Variants in H4C3 observed in about 807,000 individuals in gnomAD.
The protein encoded by H4C3 is H4 clustered histone 3, also known as histone H4.
In H4C3, 10 loss-of-function variants were observed where a neutral mutation model predicts 5.3. The ratio of observed to expected loss-of-function variants is 1.87; its 90% confidence interval spans 1.16 to 3.18. The LOEUF is 3.18. Ranked by LOEUF, H4C3 falls within the 30% of genes most tolerant of loss-of-function variation. The pLI, the probability that H4C3 is intolerant of heterozygous loss-of-function variation, is 0.00. For missense variants in H4C3, 191 were observed against 152.5 expected, an observed-to-expected ratio of 1.25 and a Z score of -1.33; for synonymous variants, 133 against 56.8, an observed-to-expected ratio of 2.34 and a Z score of -6.03.
rs753702310 is a variant in H4C3 at position 26,104,291 on chromosome 6, A to AAAAAAC, written c.*44_*49dup. On this transcript the variant is annotated 3_prime_UTR_variant, in exon 1 of 1. Transcript: ENST00000377803. ...GAATACGCGGTCTCCTGAGAACTTCAAAAAACAAAAACAAAAAAACCCAAA... is the reference window on the plus strand; with the variant it reads ...GAATACGCGGTCTCCTGAGAACTTCAAAAAACAAAAACAAAAACAAAAAAACCCAAA... 62 of 1,535,782 alleles carry AAAAAAC rather than the reference A, an allele frequency of 4.0e-5. No homozygotes were observed. The highest frequency in any genetic ancestry group is 4.4e-5 in the Non-Finnish European group (50 of 1,141,352).
At position 26,103,990 on chromosome 6, in the gene H4C3, G is replaced by A. The variant is rs1241263333; in HGVS notation, c.43G>A (p.Gly15Ser). The change falls in exon 1 of 1, where the codon GGT becomes AGT. Residue 15 changes from glycine (G) to serine (S), a missense_variant. Coordinates refer to ENST00000377803, the MANE Select transcript of H4C3 (RefSeq NM_003542.4). The part of the protein sequence containing the change: ...GKGGKGLGKG[G>S]AKRHRKVLRD... Reference sequence around the variant, plus strand: ...AGGCGGAAAAGGCTTGGGGAAGGGTGGTGCTAAGCGCCATCGTAAGGTGCT... The same window carrying A: ...AGGCGGAAAAGGCTTGGGGAAGGGTAGTGCTAAGCGCCATCGTAAGGTGCT... 8 of 1,613,492 alleles carry A rather than the reference G, an allele frequency of 5.0e-6. No individual in the cohort carries two copies. The highest frequency in any genetic ancestry group is 1.3e-5 in the African/African-American group (1 of 75,034).
At position 26,104,238 on chromosome 6, in the gene H4C3, T is replaced by G; in HGVS notation, c.291T>G (p.Thr97=). ...VVYALKRQGR[T]LYGFGG is the part of the protein sequence containing the mutation. ...ATGCCCTAAAACGTCAGGGGCGCAC[T>G]CTGTATGGCTTCGGCGGCTGAATCT... The change falls in exon 1 of 1, where the codon ACT becomes ACG. Residue 97 remains threonine, a synonymous_variant. Coordinates refer to ENST00000377803, the MANE Select transcript of H4C3 (RefSeq NM_003542.4). 1 of 1,599,040 alleles carries G rather than the reference T, an allele frequency of 6.3e-7. No homozygotes were observed. Among genetic ancestry groups the G allele is most frequent in the Non-Finnish European group, 8.6e-7 (1 of 1,168,454 alleles).
At position 26,104,296 on chromosome 6, in the gene H4C3, A is replaced by C. The variant is rs1041766698; in HGVS notation, c.*37A>C. On this transcript the variant is annotated 3_prime_UTR_variant, in exon 1 of 1. Transcript: ENST00000377803. ...CGCGGTCTCCTGAGAACTTCAAAAA[A>C]CAAAAACAAAAAAACCCAAAGGCCC... 2.0e-6 allele frequency: 3 copies of C among 1,529,418 alleles called. No individual in the cohort carries two copies. The highest frequency in any genetic ancestry group is 2.6e-6 in the Non-Finnish European group (3 of 1,137,496). The allele number at this position is 1,529,418 out of a possible 1,614,324, so 94.7% of individuals were successfully genotyped here.
rs1561948927 is a variant in H4C3 at position 26,103,962 on chromosome 6, C to CAAAGGCGGA, written c.22_30dup (p.Gly8_Gly10dup). The CAAAGGCGGA allele has an allele frequency of 1.9e-6, 3 of 1,607,416 alleles. No homozygotes were observed. The highest frequency in any genetic ancestry group is 1.3e-5 in the African/African-American group (1 of 74,714). On this transcript the variant is annotated inframe_insertion, in exon 1 of 1. Coordinates refer to ENST00000377803, the MANE Select transcript of H4C3 (RefSeq NM_003542.4). ...CGATAGGAATCATGTCTGGTCGCGG[C>CAAAGGCGGA]AAAGGCGGAAAAGGCTTGGGGAAGG...
In H4C3 at chr6:26,104,113, C is replaced by A. The variant is rs779327642; in HGVS notation, c.166C>A (p.Arg56=). 4.3e-6 allele frequency: 7 copies of A among 1,614,096 alleles called. No homozygotes were observed. The highest frequency in any genetic ancestry group is 4.5e-5 in the East Asian group (2 of 44,868). Residue 56 remains arginine, a synonymous_variant, in exon 1 of 1, where the codon CGA becomes AGA. Coordinates refer to ENST00000377803, the MANE Select transcript of H4C3 (RefSeq NM_003542.4). ...RISGLIYEET[R]GVLKVFLENV... is the part of the protein sequence containing the mutation. ...TTCCGGTCTTATCTATGAGGAGACT[C>A]GAGGTGTGCTTAAGGTTTTCTTAGA...
At position 26,104,097 on chromosome 6, in the gene H4C3, T is replaced by A. The variant is rs199850152; in HGVS notation, c.150T>A (p.Leu50=). ...RRGGVKRISG[L]IYEETRGVLK... ...GTGGCGTCAAGCGCATTTCCGGTCT[T>A]ATCTATGAGGAGACTCGAGGTGTGC... is the stretch of plus-strand genomic sequence containing the variant. Residue 50 remains leucine (L), a synonymous_variant, in exon 1 of 1, where the codon CTT becomes CTA. Coordinates refer to ENST00000377803, the MANE Select transcript of H4C3 (RefSeq NM_003542.4). 50 of 1,614,126 alleles carry A rather than the reference T, an allele frequency of 3.1e-5. No homozygotes were observed. The East Asian group carries it at 4.9e-4, about 16-fold the overall frequency.
rs1327307006 is a variant in H4C3 at position 26,104,197 on chromosome 6, G to A, written c.250G>A (p.Ala84Thr). 1.2e-6 allele frequency: 2 copies of A among 1,614,030 alleles called. No homozygotes were observed. The highest frequency in any genetic ancestry group is 1.7e-6 in the Non-Finnish European group (2 of 1,180,026). Residue 84 changes from alanine to threonine, a missense_variant, in exon 1 of 1, where the codon GCC (alanine) becomes ACC (threonine). Ala to Thr is a moderately conservative substitution (Grantham distance 58). Transcript: ENST00000377803. ...GCACGCCAAGCGCAAAACTGTCACAGCCATGGATGTAGTATATGCCCTAAA... is the reference window on the plus strand; with the variant it reads ...GCACGCCAAGCGCAAAACTGTCACAACCATGGATGTAGTATATGCCCTAAA... ...TEHAKRKTVT[A>T]MDVVYALKRQ... is the part of the protein sequence containing the mutation.
chr6:26,104,003 A>G lies in H4C3; in HGVS notation c.56A>G (p.His19Arg). ...KGLGKGGAKR[H>R]RKVLRDNIQG... is the part of the protein sequence containing the mutation. ...TTGGGGAAGGGTGGTGCTAAGCGCC[A>G]TCGTAAGGTGCTCCGGGATAACATC... Residue 19 changes from histidine to arginine, a missense_variant, in exon 1 of 1, where the codon CAT becomes CGT. Physicochemically the swap from His to Arg is conservative, Grantham distance 29 (BLOSUM62 0). Coordinates refer to ENST00000377803, the MANE Select transcript of H4C3 (RefSeq NM_003542.4). 6.2e-7 allele frequency: 1 copy of G among 1,614,174 alleles called. No individual in the cohort carries two copies. Among genetic ancestry groups the G allele is most frequent in the Non-Finnish European group, 8.5e-7 (1 of 1,180,018 alleles).
rs1284767593 is a variant in H4C3 at position 26,103,946 on chromosome 6, T to A, written c.-2T>A. The A allele has an allele frequency of 5.0e-6, 8 of 1,602,592 alleles. No individual in the cohort carries two copies. Among genetic ancestry groups the A allele is most frequent in the South Asian group, 1.1e-5 (1 of 90,340 alleles). On this transcript the variant is annotated 5_prime_UTR_variant, in exon 1 of 1. Transcript: ENST00000377803. ...TTCATACCTTCCACTGCGATAGGAATCATGTCTGGTCGCGGCAAAGGCGGA... is the reference window on the plus strand; with the variant it reads ...TTCATACCTTCCACTGCGATAGGAAACATGTCTGGTCGCGGCAAAGGCGGA...
In H4C3 at chr6:26,104,331, C is replaced by T. The variant is rs1763203821; in HGVS notation, c.*72C>T. The stretch of plus-strand genomic sequence containing the variant: ...AAAAACCCAAAGGCCCTTTTCAGGG[C>T]CGCTCACAAAGTCGTTTAAAGAGCT... On this transcript the variant is annotated 3_prime_UTR_variant, in exon 1 of 1. Coordinates refer to ENST00000377803, the MANE Select transcript of H4C3 (RefSeq NM_003542.4). The T allele has an allele frequency of 8.7e-6, 12 of 1,379,292 alleles. No homozygotes were observed. The highest frequency in any genetic ancestry group is 7.5e-5 in the South Asian group (5 of 66,618). The allele number at this position is 1,379,292 out of a possible 1,614,324, so 85.4% of individuals were successfully genotyped here.
In H4C3 at chr6:26,104,190, T is replaced by C. The variant is rs768229225; in HGVS notation, c.243T>C (p.Thr81=). ...ATACGGAGCACGCCAAGCGCAAAACTGTCACAGCCATGGATGTAGTATATG... is the reference window on the plus strand; with the variant it reads ...ATACGGAGCACGCCAAGCGCAAAACCGTCACAGCCATGGATGTAGTATATG... ...VTYTEHAKRK[T]VTAMDVVYAL... The change falls in exon 1 of 1, where the codon ACT becomes ACC. Residue 81 remains threonine, a synonymous_variant. Transcript: ENST00000377803. The C allele has an allele frequency of 5.6e-6, 9 of 1,614,002 alleles. No individual in the cohort carries two copies. The highest frequency in any genetic ancestry group is 7.6e-6 in the Non-Finnish European group (9 of 1,180,002).
At position 26,104,039 on chromosome 6, in the gene H4C3, C is replaced by T; in HGVS notation, c.92C>T (p.Thr31Ile). 1 of 1,614,178 alleles carries T rather than the reference C, an allele frequency of 6.2e-7. No homozygotes were observed. Among genetic ancestry groups the T allele is most frequent in the Non-Finnish European group, 8.5e-7 (1 of 1,180,034 alleles). ...CTCCGGGATAACATCCAGGGCATTA[C>T]AAAACCGGCTATTCGCCGTTTGGCT... ...KVLRDNIQGI[T>I]KPAIRRLARR... The change falls in exon 1 of 1, where the codon ACA becomes ATA. Residue 31 changes from threonine (T) to isoleucine (I), a missense_variant. Physicochemically the swap from Thr to Ile is moderately conservative, Grantham distance 89. Coordinates refer to ENST00000377803, the MANE Select transcript of H4C3 (RefSeq NM_003542.4).
In H4C3 at chr6:26,103,993, G is replaced by C. The variant is rs891371223; in HGVS notation, c.46G>C (p.Ala16Pro). ...KGGKGLGKGG[A>P]KRHRKVLRDN... ...CGGAAAAGGCTTGGGGAAGGGTGGT[G>C]CTAAGCGCCATCGTAAGGTGCTCCG... The change falls in exon 1 of 1, where the codon GCT becomes CCT. Residue 16 changes from alanine (A) to proline (P), a missense_variant. By Grantham distance (27) the Ala-to-Pro change is conservative (BLOSUM62 -1). Transcript: ENST00000377803. 8 of 1,613,944 alleles carry C rather than the reference G, an allele frequency of 5.0e-6. No homozygotes were observed. Among genetic ancestry groups the C allele is most frequent in the Non-Finnish European group, 6.8e-6 (8 of 1,179,822 alleles).
At position 26,103,954 on chromosome 6, in the gene H4C3, G is replaced by A. The variant is rs1473651098; in HGVS notation, c.7G>A (p.Gly3Ser). ...TTCCACTGCGATAGGAATCATGTCT[G>A]GTCGCGGCAAAGGCGGAAAAGGCTT... MS[G>S]RGKGGKGLGK... Residue 3 changes from glycine (G) to serine (S), a missense_variant, in exon 1 of 1, where the codon GGT becomes AGT. By Grantham distance (56) the Gly-to-Ser change is moderately conservative. Coordinates refer to ENST00000377803, the MANE Select transcript of H4C3 (RefSeq NM_003542.4). 1 of 1,605,976 alleles carries A rather than the reference G, an allele frequency of 6.2e-7. No individual in the cohort carries two copies. Among genetic ancestry groups the A allele is most frequent in the Non-Finnish European group, 8.5e-7 (1 of 1,173,926 alleles).
Position 26,104,193 on chromosome 6 carries a change from C to T in H4C3, c.246C>T (p.Val82=), listed in dbSNP as rs774049617. 7 of 1,614,176 alleles carry T rather than the reference C, an allele frequency of 4.3e-6. No homozygotes were observed. The highest frequency in any genetic ancestry group is 1.1e-5 in the South Asian group (1 of 91,084). The part of the protein sequence containing the change: ...TYTEHAKRKT[V]TAMDVVYALK... ...CGGAGCACGCCAAGCGCAAAACTGT[C>T]ACAGCCATGGATGTAGTATATGCCC... The change falls in exon 1 of 1, where the codon GTC becomes GTT. Residue 82 remains valine (V), a synonymous_variant. Transcript: ENST00000377803.
In H4C3 at chr6:26,104,076, C is replaced by T. The variant is rs142328147; in HGVS notation, c.129C>T (p.Gly43=). Residue 43 remains glycine (G), a synonymous_variant, in exon 1 of 1, where the codon GGC becomes GGT. Transcript: ENST00000377803. ...TTCGCCGTTTGGCTCGGCGCGGTGG[C>T]GTCAAGCGCATTTCCGGTCTTATCT... The part of the protein sequence containing the change: ...PAIRRLARRG[G]VKRISGLIYE... 30 of 1,614,030 alleles carry T rather than the reference C, an allele frequency of 1.9e-5. No individual in the cohort carries two copies. The highest frequency in any genetic ancestry group is 5.5e-5 in the South Asian group (5 of 91,090).
rs777994526 is a variant in H4C3 at position 26,104,160 on chromosome 6, C to T, written c.213C>T (p.Val71=). 8 of 1,614,030 alleles carry T rather than the reference C, an allele frequency of 5.0e-6. No individual in the cohort carries two copies. Among genetic ancestry groups the T allele is most frequent in the South Asian group, 2.2e-5 (2 of 91,086 alleles). ...TAGAGAACGTTATTCGAGACGCCGT[C>T]ACCTATACGGAGCACGCCAAGCGCA... ...VFLENVIRDA[V]TYTEHAKRKT... is the part of the protein sequence containing the mutation. Residue 71 remains valine, a synonymous_variant, in exon 1 of 1, where the codon GTC becomes GTT. Transcript: ENST00000377803.
Position 26,104,147 on chromosome 6 carries a change from T to C in H4C3, c.200T>C (p.Ile67Thr). 6.2e-7 allele frequency: 1 copy of C among 1,614,180 alleles called. No homozygotes were observed. Among genetic ancestry groups the C allele is most frequent in the Non-Finnish European group, 8.5e-7 (1 of 1,180,036 alleles). ...CTTAAGGTTTTCTTAGAGAACGTTA[T>C]TCGAGACGCCGTCACCTATACGGAG... ...GVLKVFLENV[I>T]RDAVTYTEHA... is the part of the protein sequence containing the mutation. Residue 67 changes from isoleucine (I) to threonine (T), a missense_variant, in exon 1 of 1, where the codon ATT becomes ACT. Transcript: ENST00000377803.
chr6:26,103,937 C>T lies in H4C3; in HGVS notation c.-11C>T, dbSNP rs200804123. On this transcript the variant is annotated 5_prime_UTR_variant, in exon 1 of 1. Transcript: ENST00000377803. ...CTGTTTCAGTTCATACCTTCCACTG[C>T]GATAGGAATCATGTCTGGTCGCGGC... 223 of 1,594,376 alleles carry T rather than the reference C, an allele frequency of 1.4e-4. 5 individuals carry two copies. The East Asian group carries it at 4.5e-3, about 32-fold the overall frequency.
Sources: gnomAD v4.1 joint callset for allele counts on GRCh38, gnomAD v4.1.1 for gene constraint, MANE v1.5 for transcripts, NCBI Gene and HGNC (gene_info 2026-07-23, HGNC 2026-07-21) for gene names.